RYR3: variants seen among roughly 807,000 people sequenced by gnomAD.
RYR3 encodes the protein ryanodine receptor 3.
RYR3 carries 207 observed loss-of-function variants against 584.3 expected under a neutral mutation model. The ratio of observed to expected loss-of-function variants is 0.35; its 90% confidence interval spans 0.32 to 0.40. The LOEUF (loss-of-function observed/expected upper bound fraction) is 0.40. Among genes scored for constraint, RYR3 ranks in the 10% least tolerant of loss-of-function variants. RYR3 has a pLI of 1.00. For synonymous variants in RYR3, 2,416 were observed against 2,248.5 expected (o/e 1.07, Z -2.11); for missense variants, 5,616 against 6,089.2 (o/e 0.92, Z 2.59).
At chr15:33,851,493 A>T (rs1361348660) in intron 94 of RYR3, 1 of 152,126 alleles carries the variant, frequency 6.6e-6, no homozygotes, top group African/African-American at 2.4e-5. Context: ...TGTACTCTTT[A>T]TTTATGCACT....
chr15:33,578,787 A>AAAC (rs1567582313), intron 12 of RYR3, among the ~76,000 whole-genome samples: 56 of 143,988 alleles, frequency 3.9e-4, no homozygotes, highest in African/African-American at 1.4e-3. Flanking sequence ...AACAACAACA[A>AAAC]AAAAAAACTC....
intron 99 of RYR3, 130 bp from the exon 100 acceptor site, chr15:33,859,445 A>C (rs2080101040): frequency 1.2e-6 from 1 of 866,690 alleles, no homozygotes; most frequent in Non-Finnish European, 1.8e-6. Flanking sequence ...GAATACTGGC[A>C]CCTCTGAAGA....
chr15:33,786,491 T>C (rs1220514626), intron 66 of RYR3, among the ~76,000 whole-genome samples: 3 of 152,100 alleles, frequency 2.0e-5, no homozygotes, highest in Non-Finnish European at 4.4e-5. Flanking sequence ...TTTTTTTTTT[T>C]TCTTTTGTAT....
At chr15:33,459,304 TC>T (rs2142052171) in intron 1 of RYR3, among the ~76,000 whole-genome samples, 1 of 152,320 alleles carries the variant, frequency 6.6e-6, no homozygotes, top group African/African-American at 2.4e-5. Flanking sequence ...ATGAGTTATA[TC>T]CCTTCCTCAC....
At chr15:33,384,177 C>T (rs937535762) in intron 1 of RYR3, among the ~76,000 whole-genome samples, 2 of 152,104 alleles carry the variant, frequency 1.3e-5, no homozygotes, top group Non-Finnish European at 2.9e-5. Context: ...ATGTAAGATA[C>T]AGCTTTTGGA....
intron 1 of RYR3, among the ~76,000 whole-genome samples, chr15:33,323,242 G>T (rs193019172): frequency 0.017 from 2,555 of 152,110 alleles, 47 homozygotes; most frequent in Admixed American, 0.041. Flanking sequence ...CTCCCGAGTA[G>T]CTGGGACTAC....
intron 1 of RYR3, among the ~76,000 whole-genome samples, chr15:33,359,501 G>C (rs1254128875): frequency 6.6e-6 from 1 of 152,158 alleles, no homozygotes; most frequent in Non-Finnish European, 1.5e-5. Flanking sequence ...TCTTTCCCCA[G>C]ATAGCCCCAT....
At chr15:33,630,382 T>C (rs1250534605) in intron 22 of RYR3, among the ~76,000 whole-genome samples, 3 of 152,226 alleles carry the variant, frequency 2.0e-5, no homozygotes, top group Non-Finnish European at 4.4e-5. Context: ...CCTGATCTGA[T>C]ACACTAAAAT....
At chr15:33,493,940 G>A (rs2051193443) in intron 2 of RYR3, among the ~76,000 whole-genome samples, 1 of 152,132 alleles carries the variant, frequency 6.6e-6, no homozygotes, top group Admixed American at 6.5e-5. Flanking sequence ...TGATGATGAT[G>A]ATGATGATGA....
chr15:33,449,612 G>GT (rs2046944276), intron 1 of RYR3, among the ~76,000 whole-genome samples: 1 of 152,228 alleles, frequency 6.6e-6, no homozygotes, highest in African/African-American at 2.4e-5. Context: ...ATTTTAAAAT[G>GT]TAACAGTGTC....
chr15:33,565,766 T>C (rs2057681585), intron 11 of RYR3, among the ~76,000 whole-genome samples: 1 of 152,112 alleles, frequency 6.6e-6, no homozygotes, highest in African/African-American at 2.4e-5. Context: ...CTTAACATCT[T>C]CACATACTTG....
At chr15:33,430,613 T>C (rs2045061450) in intron 1 of RYR3, among the ~76,000 whole-genome samples, 1 of 152,202 alleles carries the variant, frequency 6.6e-6, no homozygotes, top group African/African-American at 2.4e-5. Context: ...GGCCAGAGAA[T>C]CCATTTGGTG....
At chr15:33,550,803 G>T (rs1181614075) in intron 10 of RYR3, among the ~76,000 whole-genome samples, 1 of 152,142 alleles carries the variant, frequency 6.6e-6, no homozygotes, top group Non-Finnish European at 1.5e-5. Flanking sequence ...TTTTTTTAAT[G>T]ATGCAGAGAA....
At chr15:33,757,084 C>T (rs1234407532) in intron 59 of RYR3, among the ~76,000 whole-genome samples, 1 of 152,160 alleles carries the variant, frequency 6.6e-6, no homozygotes, top group Admixed American at 6.5e-5. Context: ...GGACTAAAGG[C>T]ACAGAAGGGC....
chr15:33,864,607 AGTGAAAGGATGT>A (rs1889807359), intron 103 of RYR3: 1 of 176,604 alleles, frequency 5.7e-6, no homozygotes, highest in African/African-American at 2.4e-5. Context: ...TGAGAGGATG[AGTGAAAGGATGT>A]GTCAAATTTT....
At chr15:33,686,945 C>G (rs1424780457) in intron 38 of RYR3, among the ~76,000 whole-genome samples, 2 of 152,194 alleles carry the variant, frequency 1.3e-5, no homozygotes, top group African/African-American at 4.8e-5. Flanking sequence ...CTGTCTATGA[C>G]AAACCCACAG....
chr15:33,477,025 A>G (rs149222987), intron 2 of RYR3, among the ~76,000 whole-genome samples: 2 of 152,118 alleles, frequency 1.3e-5, no homozygotes, highest in Non-Finnish European at 2.9e-5. Context: ...TCTACCATCA[A>G]ATTTCTCAAC....
chr15:33,807,719 G>C, intron 70 of RYR3, 150 bp downstream of exon 70: 1 of 774,336 alleles, frequency 1.3e-6, no homozygotes, highest in South Asian at 1.6e-5. Context: ...GAAGACAACT[G>C]CCTGTCAAAG....
chr15:33,626,893 C>T (rs1200477368), intron 20 of RYR3, among the ~76,000 whole-genome samples: 3 of 152,062 alleles, frequency 2.0e-5, no homozygotes, highest in African/African-American at 7.2e-5. Context: ...CCTGGATGTC[C>T]AAGCAGAAGT....
Sources: allele counts gnomAD v4.1 joint callset (sites outside exome capture counted in the v4.1 genomes callset), GRCh38; gene constraint gnomAD v4.1.1; transcripts MANE v1.5; gene names NCBI Gene and HGNC (gene_info 2026-07-23, HGNC 2026-07-21).